Variants in LRRD1 observed in about 807,000 individuals in gnomAD.
LRRD1 encodes the protein leucine-rich repeat and death domain-containing protein 1.
Under a neutral mutation model 69.5 loss-of-function variants are expected in LRRD1, and 49 were observed. The ratio of observed to expected loss-of-function variants is 0.70; its 90% CI spans 0.56 to 0.89. LRRD1 has a LOEUF of 0.89. Ranked by LOEUF, LRRD1 falls within the 40% of genes least tolerant of loss-of-function variation. LRRD1 has a pLI of 0.00. For synonymous variants in LRRD1, 303 were observed against 338.9 expected (o/e 0.89, Z 1.16); for missense variants, 853 against 956.0 (o/e 0.89, Z 1.42).
chr7:92,164,970 T>C lies in LRRD1; in HGVS notation c.233A>G (p.Asn78Ser), dbSNP rs1216737515. Reference protein sequence around the residue: ...TSSSGRKSKRNEEQKKNLQFS... With the variant: ...TSSSGRKSKRSEEQKKNLQFS... Reference sequence around the variant, plus strand: ...TTGAAGATTTTTCTTTTGTTCTTCATTTCTCTTAGACTTCCTTCCAGAGGA... The same window carrying C: ...TTGAAGATTTTTCTTTTGTTCTTCACTTCTCTTAGACTTCCTTCCAGAGGA... The change falls in exon 2 of 6, where the codon AAT becomes AGT. Residue 78 changes from asparagine to serine, a missense_variant. Physicochemically the swap from Asn to Ser is conservative, Grantham distance 46 (BLOSUM62 1). Transcript: ENST00000458448. 6.4e-7 allele frequency: 1 copy of C among 1,551,420 alleles called. No homozygotes were observed. The highest frequency in any genetic ancestry group is 8.7e-7 in the Non-Finnish European group (1 of 1,146,874).
chr7:92,173,290 GT>G (rs1187282935), intron 1 of LRRD1, among the ~76,000 whole-genome samples: 7 of 152,150 alleles, frequency 4.6e-5, no homozygotes, highest in Admixed American at 1.3e-4. Flanking sequence ...TCTGGCCAAA[GT>G]TTTTTTGTGT....
At chr7:92,154,434 G>A (rs1400508407) in intron 3 of LRRD1, among the ~76,000 whole-genome samples, 3 of 151,864 alleles carry the variant, frequency 2.0e-5, no homozygotes, top group African/African-American at 7.3e-5. Context: ...TGTAGAGATG[G>A]GGTTTCCCCA....
chr7:92,167,922 T>G (rs1218346351), intron 1 of LRRD1, among the ~76,000 whole-genome samples: 1 of 138,244 alleles, frequency 7.2e-6, no homozygotes, highest in Non-Finnish European at 1.5e-5. Flanking sequence ...GTTATTCTGC[T>G]CTAAGATTCT....
intron 5 of LRRD1, among the ~76,000 whole-genome samples, chr7:92,145,642 T>C (rs1820305955): frequency 1.3e-5 from 2 of 152,038 alleles, no homozygotes; most frequent in South Asian, 4.2e-4. Context: ...GGTTTCACCG[T>C]GTTAGCCAGG....
chr7:92,143,061 G>A (rs901427058), downstream of LRRD1: 19 of 195,644 alleles, frequency 9.7e-5, no homozygotes, highest in Non-Finnish European at 1.7e-4. Flanking sequence ...TTGACAGGGC[G>A]CTGATTGGTG....
chr7:92,155,825 T>C (rs915526345), intron 3 of LRRD1, among the ~76,000 whole-genome samples: 1 of 151,968 alleles, frequency 6.6e-6, no homozygotes, highest in African/African-American at 2.4e-5. Context: ...AGTCCAAGAG[T>C]GCAAAAGCTG....
At chr7:92,158,636 G>T (rs1788726482) in intron 3 of LRRD1, among the ~76,000 whole-genome samples, 1 of 152,086 alleles carries the variant, frequency 6.6e-6, no homozygotes, top group African/African-American at 2.4e-5. Flanking sequence ...ATAGGGTATA[G>T]GAGAAGTATC....
At chr7:92,166,929 G>A (rs1196654762) in intron 1 of LRRD1, among the ~76,000 whole-genome samples, 1 of 151,622 alleles carries the variant, frequency 6.6e-6, no homozygotes, top group African/African-American at 2.4e-5. Flanking sequence ...AGTGGCATAA[G>A]GCAAAAAGAA....
At chr7:92,147,987 T>A (rs1400163515) in intron 4 of LRRD1, among the ~76,000 whole-genome samples, 4 of 152,096 alleles carry the variant, frequency 2.6e-5, no homozygotes, top group Non-Finnish European at 5.9e-5. Flanking sequence ...CGGGATCTCA[T>A]CTCACTACAA....
At chr7:92,170,807 G>C (rs1789041717) in intron 1 of LRRD1, among the ~76,000 whole-genome samples, 2 of 152,180 alleles carry the variant, frequency 1.3e-5, no homozygotes, top group South Asian at 4.2e-4. Context: ...ACACAAAACT[G>C]GTCTCAACAA....
chr7:92,175,351 C>CT (rs1563196076), intron 1 of LRRD1, among the ~76,000 whole-genome samples: 1 of 151,884 alleles, frequency 6.6e-6, no homozygotes, highest in Non-Finnish European at 1.5e-5. Flanking sequence ...TTTGAGGAAA[C>CT]TTTAACAGAG....
At chr7:92,161,466 T>C (rs1211595491) in intron 2 of LRRD1, among the ~76,000 whole-genome samples, 3 of 152,356 alleles carry the variant, frequency 2.0e-5, no homozygotes, top group Non-Finnish European at 2.9e-5. Context: ...GTATGATACA[T>C]GGACAACAGT....
intron 3 of LRRD1, 60 bp from the exon 4 acceptor site, chr7:92,150,755 A>G (rs1024380207): frequency 1.6e-6 from 2 of 1,246,042 alleles, no homozygotes; most frequent in Admixed American, 2.3e-5. Context: ...TATGGAGACA[A>G]ATAACATCTG....
At chr7:92,143,015 A>T (rs1820204297), downstream of LRRD1, 1 of 235,978 alleles carries the variant, frequency 4.2e-6, no homozygotes, top group Admixed American at 5.1e-5. Context: ...CGTCCTGCTG[A>T]TTGGTCCATT....
intron 4 of LRRD1, among the ~76,000 whole-genome samples, chr7:92,148,103 G>A (rs35284054): frequency 0.012 from 1,751 of 152,160 alleles, 29 homozygotes; most frequent in African/African-American, 0.039. Context: ...ACCATGCCCA[G>A]CTAATTTTTG....
In LRRD1 at chr7:92,163,615, A is replaced by G. The variant is rs1411440953; in HGVS notation, c.1588T>C (p.Cys530Arg). The change falls in exon 2 of 6, where the codon TGT becomes CGT. Residue 530 changes from cysteine (C) to arginine (R), a missense_variant. By Grantham distance (180) the Cys-to-Arg change is radical (BLOSUM62 -3). Coordinates refer to ENST00000458448, the MANE Select transcript of LRRD1 (RefSeq NM_001161528.2). ...NKLLIFSEHF[C>R]SLINLKYLDL... ...AGGTATTTAAGATTAATAAGAGAAC[A>G]AAAGTGCTCAGAAAATATGAGGAGT... The G allele has an allele frequency of 1.3e-6, 2 of 1,520,028 alleles. No homozygotes were observed. Among genetic ancestry groups the G allele is most frequent in the South Asian group, 1.3e-5 (1 of 78,638 alleles). The allele number at this position is 1,520,028 out of a possible 1,614,324, so 94.2% of individuals were successfully genotyped here. A position where few individuals can be genotyped will look rare whatever the true frequency, so the allele number is the denominator to read the frequency against.
At chr7:92,145,622 G>T (rs1820304720) in intron 5 of LRRD1, among the ~76,000 whole-genome samples, 1 of 151,818 alleles carries the variant, frequency 6.6e-6, no homozygotes, top group Non-Finnish European at 1.5e-5. Flanking sequence ...TGTATTTTTA[G>T]TAGAGGCGGG....
Position 92,164,016 on chromosome 7 carries a change from A to T in LRRD1, c.1187T>A (p.Met396Lys), listed in dbSNP as rs1255382494. ...ATCACTAAGACTAAGGCATTCCAACATTGCACAGCAAGATATTTTCTCTGG... is the reference window on the plus strand; with the variant it reads ...ATCACTAAGACTAAGGCATTCCAACTTTGCACAGCAAGATATTTTCTCTGG... ...NIPEKISCCA[M>K]LECLSLSDNK... Residue 396 changes from methionine (M) to lysine (K), a missense_variant, in exon 2 of 6, where the codon ATG (methionine) becomes AAG (lysine). Met to Lys is a moderately conservative substitution (Grantham distance 95). Coordinates refer to ENST00000458448, the MANE Select transcript of LRRD1 (RefSeq NM_001161528.2). 3 of 1,539,388 alleles carry T rather than the reference A, an allele frequency of 1.9e-6. No homozygotes were observed. The highest frequency in any genetic ancestry group is 2.1e-5 in the Admixed American group (1 of 48,482).
chr7:92,145,248 T>C (rs902246279), intron 5 of LRRD1, among the ~76,000 whole-genome samples, 174 bp from the exon 6 acceptor site: 5 of 152,142 alleles, frequency 3.3e-5, no homozygotes, highest in Non-Finnish European at 7.4e-5. Flanking sequence ...ATGAAATTAA[T>C]TGGTGAAGAG....
Sources: allele counts gnomAD v4.1 joint callset (sites outside exome capture counted in the v4.1 genomes callset), GRCh38; gene constraint gnomAD v4.1.1; transcripts MANE v1.5; gene names NCBI Gene and HGNC (gene_info 2026-07-23, HGNC 2026-07-21).